Variants in MTREX observed in about 807,000 individuals in gnomAD.
MTREX encodes the protein Mtr4 exosome RNA helicase, also known as exosome RNA helicase MTR4.
In MTREX, 76 loss-of-function variants were observed where a neutral mutation model predicts 135.4. The observed-to-expected ratio is 0.56, with a 90% CI of 0.47 to 0.68. The LOEUF (loss-of-function observed/expected upper bound fraction) is 0.68. Among genes scored for constraint, MTREX ranks in the 30% least tolerant of loss-of-function variants. MTREX has a pLI of 0.00. For synonymous variants in MTREX, 404 were observed against 401.6 expected (o/e 1.01, Z -0.07); for missense variants, 920 against 1,262.1 (o/e 0.73, Z 4.11).
chr5:55,404,451 G>A (rs1750769653), intron 21 of MTREX, among the ~76,000 whole-genome samples: 1 of 152,124 alleles, frequency 6.6e-6, no homozygotes, highest in Admixed American at 6.5e-5. Context: ...AGGCAAATTC[G>A]TGATTTAACT....
Position 55,340,094 on chromosome 5 carries a change from T to C in MTREX, c.600T>C (p.Arg200=), listed in dbSNP as rs1482787136. The C allele has an allele frequency of 6.2e-7, 1 of 1,604,696 alleles. No individual in the cohort carries two copies. Among genetic ancestry groups the C allele is most frequent in the Non-Finnish European group, 8.5e-7 (1 of 1,175,596 alleles). The change falls in exon 6 of 27, where the codon CGT becomes CGC. Residue 200 remains arginine (R), a synonymous_variant. Coordinates refer to ENST00000230640, the MANE Select transcript of MTREX (RefSeq NM_015360.5). ...PIKALSNQKY[R]EMYEEFQDVG... is the part of the protein sequence containing the mutation. ...AGGCTCTGAGTAACCAAAAATACCG[T>C]GAAATGTATGAAGAATTTCAAGATG...
At chr5:55,371,694 A>G (rs926370852) in intron 16 of MTREX, among the ~76,000 whole-genome samples, 1 of 152,158 alleles carries the variant, frequency 6.6e-6, no homozygotes, top group East Asian at 1.9e-4. Flanking sequence ...TAATTTATGT[A>G]TTTGTTTTCT....
chr5:55,324,374 T>C (rs2112034058), intron 3 of MTREX, 176 bp downstream of exon 3: 1 of 232,738 alleles, frequency 4.3e-6, no homozygotes, highest in Non-Finnish European at 8.4e-6. Context: ...GTTCAGATCC[T>C]CCCCCAGCAT....
chr5:55,330,780 CCCTT>C (rs1305928020), intron 5 of MTREX, among the ~76,000 whole-genome samples: 6 of 151,818 alleles, frequency 4.0e-5, no homozygotes, highest in Admixed American at 3.3e-4. Flanking sequence ...GCAAATATTG[CCCTT>C]CCTTTATTTC....
intron 23 of MTREX, among the ~76,000 whole-genome samples, chr5:55,413,544 A>G (rs1448620338): frequency 6.6e-6 from 1 of 152,208 alleles, no homozygotes; most frequent in Non-Finnish European, 1.5e-5. Context: ...CAGTACACAG[A>G]ATTTAAGCAG....
chr5:55,395,599 T>C (rs1750634285), intron 19 of MTREX, among the ~76,000 whole-genome samples: 1 of 152,018 alleles, frequency 6.6e-6, no homozygotes, highest in Non-Finnish European at 1.5e-5. Flanking sequence ...GAGAGTAAAA[T>C]AGTAAATAAT....
chr5:55,311,165 T>A (rs868362507), intron 1 of MTREX, among the ~76,000 whole-genome samples: 1 of 152,226 alleles, frequency 6.6e-6, no homozygotes, highest in African/African-American at 2.4e-5. Context: ...CTTCATGTAC[T>A]CATAACTCAG....
At chr5:55,390,815 A>C (rs1453335565) in intron 19 of MTREX, among the ~76,000 whole-genome samples, 3 of 152,212 alleles carry the variant, frequency 2.0e-5, no homozygotes, top group Non-Finnish European at 4.4e-5. Flanking sequence ...TTTGAGGATT[A>C]AGATACCAGT....
intron 16 of MTREX, among the ~76,000 whole-genome samples, chr5:55,368,216 C>T (rs1750135411): frequency 6.6e-6 from 1 of 152,046 alleles, no homozygotes; most frequent in African/African-American, 2.4e-5. Context: ...TTGCGAGGCC[C>T]AGGGGGGCAG....
chr5:55,320,184 A>G (rs1333816559), intron 1 of MTREX, among the ~76,000 whole-genome samples: 1 of 151,380 alleles, frequency 6.6e-6, no homozygotes, highest in Non-Finnish European at 1.5e-5. Flanking sequence ...GTTCAAGCAT[A>G]TGGATCAGTA....
intron 1 of MTREX, among the ~76,000 whole-genome samples, chr5:55,311,639 A>G (rs1749114652): frequency 6.6e-6 from 1 of 151,934 alleles, no homozygotes. Context: ...GTGACATAAT[A>G]GCCACTATCC....
intron 19 of MTREX, among the ~76,000 whole-genome samples, chr5:55,389,670 A>G (rs1383874983): frequency 2.6e-5 from 4 of 152,164 alleles, no homozygotes; most frequent in African/African-American, 9.7e-5. Context: ...CTTTACAGAC[A>G]AGAATTATAT....
chr5:55,345,028 T>C, intron 9 of MTREX, 66 bp from the exon 10 acceptor site: 4 of 917,766 alleles, frequency 4.4e-6, no homozygotes, highest in Non-Finnish European at 6.9e-6. Context: ...AAGCCTTATG[T>C]ATGAAAAATG....
intron 16 of MTREX, among the ~76,000 whole-genome samples, chr5:55,376,666 A>T (rs1750305815): frequency 6.6e-6 from 1 of 152,258 alleles, no homozygotes; most frequent in Admixed American, 6.5e-5. Flanking sequence ...AATGTGGAGG[A>T]CATAGTGCTA....
At chr5:55,314,552 G>T (rs1749167288) in intron 1 of MTREX, among the ~76,000 whole-genome samples, 1 of 152,192 alleles carries the variant, frequency 6.6e-6, no homozygotes, top group African/African-American at 2.4e-5. Flanking sequence ...GAAAATGTGG[G>T]TGATCTCTAG....
At chr5:55,344,306 G>T (rs1561192427) in intron 8 of MTREX, among the ~76,000 whole-genome samples, 1 of 152,148 alleles carries the variant, frequency 6.6e-6, no homozygotes, top group Non-Finnish European at 1.5e-5. Context: ...GCCCTGGTTA[G>T]GGAATTGGTA....
chr5:55,366,731 G>A lies in MTREX; in HGVS notation c.1666G>A (p.Ala556Thr), dbSNP rs773133550. 11 of 1,580,876 alleles carry A rather than the reference G, an allele frequency of 7.0e-6. No individual in the cohort carries two copies. Among genetic ancestry groups the A allele is most frequent in the East Asian group, 4.5e-5 (2 of 44,222 alleles). The stretch of plus-strand genomic sequence containing the variant: ...CATTTTTTTTCTCTCTTAGGGCTCC[G>A]CTGATCCTCTAAATAGTGCTTTCCA... ...TIGKQLLKGS[A>T]DPLNSAFHLT... The change falls in exon 16 of 27, where the codon GCT becomes ACT. Residue 556 changes from alanine to threonine, a missense_variant. This residue lies in a region of MTREX where 467 missense variants were observed against 589.7 expected (regional missense o/e 0.79). Transcript: ENST00000230640.
At chr5:55,388,651 G>C (rs995725915) in intron 19 of MTREX, among the ~76,000 whole-genome samples, 3 of 152,132 alleles carry the variant, frequency 2.0e-5, no homozygotes, top group Admixed American at 1.3e-4. Flanking sequence ...ACCAAGTTAT[G>C]TTTGGTACAT....
At chr5:55,311,601 A>G (rs1749114244) in intron 1 of MTREX, among the ~76,000 whole-genome samples, 1 of 152,138 alleles carries the variant, frequency 6.6e-6, no homozygotes, top group Non-Finnish European at 1.5e-5. Context: ...TCTTCTGTAA[A>G]CTGTCCTCAT....
Sources: gnomAD v4.1 joint callset for allele counts (sites outside exome capture counted in the v4.1 genomes callset) on GRCh38, gnomAD v4.1.1 for gene constraint, gnomAD v4.1.1 regional missense constraint, MANE v1.5 for transcripts, NCBI Gene and HGNC (gene_info 2026-07-23, HGNC 2026-07-21) for gene names.